CDH12: variants seen among roughly 807,000 people sequenced by gnomAD.
CDH12 encodes cadherin-12.
CDH12 carries 41 observed loss-of-function variants against 74.1 expected under a neutral mutation model. The ratio of observed to expected loss-of-function variants is 0.55; its 90% confidence interval spans 0.43 to 0.72. The LOEUF is 0.72. Among genes scored for constraint, CDH12 ranks in the 30% least tolerant of loss-of-function variants. CDH12 has a pLI of 0.00. For synonymous variants in CDH12, 399 were observed against 355.0 expected (o/e 1.12, Z -1.39); for missense variants, 945 against 977.2 (o/e 0.97, Z 0.44).
At chr5:22,438,472 A>C (rs556307599) in intron 2 of CDH12, among the ~76,000 whole-genome samples, 1 of 152,198 alleles carries the variant, frequency 6.6e-6, no homozygotes, top group South Asian at 2.1e-4. Context: ...TTCAAGTTTA[A>C]ACAAGAGTTC....
chr5:22,299,800 A>C (rs1737788809), intron 3 of CDH12, among the ~76,000 whole-genome samples: 1 of 152,038 alleles, frequency 6.6e-6, no homozygotes, highest in Admixed American at 6.6e-5. Context: ...TATTTCCTTC[A>C]TTCTTATTTT....
Position 22,078,469 on chromosome 5 carries a change from A to C in CDH12, c.208T>G (p.Ser70Ala), listed in dbSNP as rs1308112680. The stretch of plus-strand genomic sequence containing the variant: ...ACCTTTCCCACATACTGAGGCTCGG[A>C]GCCCACGTATTCTTCCAGCACAAAA... ...QFFVLEEYVG[S>A]EPQYVGKLHS... Residue 70 changes from serine to alanine, a missense_variant, in exon 5 of 15, where the codon TCC (serine) becomes GCC (alanine). Physicochemically the swap from Ser to Ala is moderately conservative, Grantham distance 99. Around this residue, in one of 3 missense-constraint regions of CDH12, gnomAD observed 148 missense variants for 162.8 expected, o/e 0.91. Coordinates refer to ENST00000382254, the MANE Select transcript of CDH12 (RefSeq NM_004061.5). The C allele has an allele frequency of 1.2e-6, 2 of 1,613,794 alleles. No individual in the cohort carries two copies. The highest frequency in any genetic ancestry group is 2.2e-5 in the South Asian group (2 of 91,078).
chr5:22,719,005 G>T (rs1743735209), intron 1 of CDH12, among the ~76,000 whole-genome samples: 1 of 152,094 alleles, frequency 6.6e-6, no homozygotes. Flanking sequence ...AGGTTCTGTG[G>T]GTTATTCTAG....
At chr5:22,143,087 T>G (rs3020550) in intron 4 of CDH12, 26,360 of 154,710 alleles carry the variant, frequency 0.17, 2,926 homozygotes, top group African/African-American at 0.32. Flanking sequence ...TCTGTGCATT[T>G]AACTTTGTGA....
At chr5:22,100,044 C>T (rs1744047595) in intron 4 of CDH12, among the ~76,000 whole-genome samples, 1 of 152,098 alleles carries the variant, frequency 6.6e-6, no homozygotes, top group Admixed American at 6.6e-5. Flanking sequence ...GAAACATCGC[C>T]CATTATCTCT....
At chr5:22,396,060 TATATCA>T (rs61397153) in intron 3 of CDH12, among the ~76,000 whole-genome samples, 41,111 of 151,794 alleles carry the variant, frequency 0.27, 5,577 homozygotes, top group East Asian at 0.35. Flanking sequence ...ATCCTTGATT[TATATCA>T]ATGATGATTG....
intron 1 of CDH12, among the ~76,000 whole-genome samples, chr5:22,567,907 T>C (rs563940015): frequency 2.3e-4 from 35 of 152,338 alleles, no homozygotes; most frequent in Non-Finnish European, 3.1e-4. Flanking sequence ...TTTGCCCTGG[T>C]CAATCCCAGT....
At chr5:22,787,872 C>G (rs1425623312) in intron 1 of CDH12, among the ~76,000 whole-genome samples, 1 of 151,978 alleles carries the variant, frequency 6.6e-6, no homozygotes, top group Non-Finnish European at 1.5e-5. Flanking sequence ...GGGAAGAAAG[C>G]AAAAGAAGGC....
At chr5:21,798,399 T>C (rs1198624539) in intron 10 of CDH12, among the ~76,000 whole-genome samples, 1 of 152,130 alleles carries the variant, frequency 6.6e-6, no homozygotes, top group Admixed American at 6.6e-5. Flanking sequence ...TTGGTTAGCA[T>C]TCAGCCTGAA....
At chr5:22,034,504 C>G (rs1739036788) in intron 5 of CDH12, among the ~76,000 whole-genome samples, 3 of 152,118 alleles carry the variant, frequency 2.0e-5, no homozygotes, top group African/African-American at 7.2e-5. Context: ...ACTGTGGAGA[C>G]ATATGCCTTG....
intron 12 of CDH12, among the ~76,000 whole-genome samples, chr5:21,762,265 G>A (rs1744767728): frequency 6.6e-6 from 1 of 152,050 alleles, no homozygotes; most frequent in Non-Finnish European, 1.5e-5. Context: ...GCACTTATCT[G>A]GAAGTGTTGC....
intron 6 of CDH12, among the ~76,000 whole-genome samples, chr5:21,856,657 A>G (rs780591230): frequency 5.9e-5 from 9 of 151,736 alleles, no homozygotes; most frequent in Non-Finnish European, 2.9e-5. Context: ...CTGAACAAAT[A>G]TGTTCTTCTA....
chr5:22,230,362 G>A (rs967839981), intron 3 of CDH12, among the ~76,000 whole-genome samples: 8 of 151,858 alleles, frequency 5.3e-5, no homozygotes, highest in African/African-American at 1.9e-4. Context: ...ATAAGAACTG[G>A]GTAGATTGCC....
At chr5:22,663,088 G>T (rs1740432450) in intron 1 of CDH12, among the ~76,000 whole-genome samples, 1 of 152,158 alleles carries the variant, frequency 6.6e-6, no homozygotes, top group African/African-American at 2.4e-5. Flanking sequence ...TATAAATATA[G>T]AAATGTTTTA....
At chr5:22,289,851 A>G (rs1737306879) in intron 3 of CDH12, among the ~76,000 whole-genome samples, 1 of 152,176 alleles carries the variant, frequency 6.6e-6, no homozygotes, top group Admixed American at 6.5e-5. Flanking sequence ...TACCTGAGGA[A>G]TGAATCACTA....
At chr5:22,836,249 A>G (rs1296361588) in intron 1 of CDH12, among the ~76,000 whole-genome samples, 5 of 428 alleles carry the variant, frequency 0.012, no homozygotes, top group African/African-American at 0.043. Context: ...TTTGAGACAG[A>G]GTCTCGCTCT....
rs1313236005 is a variant in CDH12 at position 21,751,502 on chromosome 5, T to A, written c.*235A>T. On this transcript the variant is annotated 3_prime_UTR_variant, in exon 15 of 15. Transcript: ENST00000382254. The stretch of plus-strand genomic sequence containing the variant: ...AAACAAAACAACAAAACAAAGCAAG[T>A]ACACATTATAGGATGTATCTCTTGT... The A allele has an allele frequency of 6.3e-6, 3 of 478,928 alleles. No individual in the cohort carries two copies. The highest frequency in any genetic ancestry group is 3.9e-5 in the African/African-American group (2 of 51,918). 29.7% of individuals were successfully genotyped at this position (478,928 alleles called of 1,614,324 possible).
In CDH12 at chr5:22,754,344, G is replaced by C. The variant is rs757260317; in HGVS notation, c.-523+98714C>G. Among the ~76,000 whole-genome samples, 6 of 152,150 alleles carry C rather than the reference G, an allele frequency of 3.9e-5. 1 individual carries two copies. Among genetic ancestry groups the C allele is most frequent in the Non-Finnish European group, 7.3e-5 (5 of 68,034 alleles). Reference sequence around the variant, plus strand: ...TCTAAGTACTGGGGTAACAACCCTAGACACTGTCTTTGGCTTCACAGAGAT... The same window carrying C: ...TCTAAGTACTGGGGTAACAACCCTACACACTGTCTTTGGCTTCACAGAGAT... On this transcript the variant is annotated intron_variant, in intron 1 of 14. Transcript: ENST00000382254.
At chr5:22,523,915 A>C (rs1300961353) in intron 1 of CDH12, among the ~76,000 whole-genome samples, 1 of 152,086 alleles carries the variant, frequency 6.6e-6, no homozygotes, top group Admixed American at 6.5e-5. Context: ...ACCACTGTCC[A>C]AATTCTCAAA....
Sources: allele counts gnomAD v4.1 joint callset (sites outside exome capture counted in the v4.1 genomes callset), GRCh38; gene constraint gnomAD v4.1.1; regional missense constraint gnomAD v4.1.1; transcripts MANE v1.5; gene names NCBI Gene and HGNC (gene_info 2026-07-23, HGNC 2026-07-21).